UGT3A1: variants seen among roughly 807,000 people sequenced by gnomAD.
UGT3A1 encodes UDP glycosyltransferase family 3 member A1, also known as UDP-glycosyltransferase 3A1.
Under a neutral mutation model 37.6 loss-of-function variants are expected in UGT3A1, and 40 were observed. The observed-to-expected ratio is 1.06, with a 90% CI of 0.83 to 1.38. UGT3A1 has a LOEUF of 1.38. UGT3A1 is among the 40% of genes most tolerant of loss of function. The probability of loss-of-function intolerance (pLI) is 0.00; values close to 1 mark genes in which losing one functional copy is unlikely to be tolerated. For missense variants in UGT3A1, 642 were observed against 634.2 expected (o/e 1.01, Z -0.13); for synonymous variants, 256 against 232.3 (o/e 1.10, Z -0.93).
chr5:35,973,780 G>T (rs982052507), intron 2 of UGT3A1, among the ~76,000 whole-genome samples: 7 of 152,086 alleles, frequency 4.6e-5, no homozygotes, highest in African/African-American at 1.7e-4. Flanking sequence ...GGATTTAATT[G>T]CATCTTGGGG....
At chr5:35,956,005 C>G (rs138607277) in intron 5 of UGT3A1, 141 bp from the exon 6 acceptor site, 16,608 of 820,984 alleles carry the variant, frequency 0.02, 290 homozygotes, top group Non-Finnish European at 0.023. Context: ...TTGGGACACA[C>G]AAGTGTGAAC....
chr5:35,991,968 C>T (rs544168433), upstream of UGT3A1, among the ~76,000 whole-genome samples: 6 of 152,274 alleles, frequency 3.9e-5, no homozygotes, highest in South Asian at 6.2e-4. Context: ...TTGATAATCT[C>T]CCCAAAGCAC....
intron 2 of UGT3A1, among the ~76,000 whole-genome samples, chr5:35,977,034 A>C (rs1480863972): frequency 6.7e-6 from 1 of 148,650 alleles, no homozygotes; most frequent in Non-Finnish European, 1.5e-5. Context: ...GAAAGAAAGA[A>C]AGAGAGAAAG....
At position 35,960,321 on chromosome 5, in the gene UGT3A1, A is replaced by G. The variant is rs368027639; in HGVS notation, c.844-2902T>C. 7.2e-5 allele frequency among the ~76,000 whole-genome samples: 11 copies of G among 152,382 alleles called. No homozygotes were observed. The South Asian group carries it at 1.9e-3, about 26-fold the overall frequency. On this transcript the variant is annotated intron_variant, in intron 4 of 6. Transcript: ENST00000274278. ...GTAATCCAAGTAGTGTAGTACTGCC[A>G]TAAAGATAGACACATGGACCAGTGG...
At chr5:35,957,779 T>C (rs1165732082) in intron 4 of UGT3A1, among the ~76,000 whole-genome samples, 1 of 152,246 alleles carries the variant, frequency 6.6e-6, no homozygotes, top group African/African-American at 2.4e-5. Flanking sequence ...ATTTATATTG[T>C]AGCCTAACAT....
At chr5:36,000,502 TTAGAGGGTTTAGACTCATGGA>T (rs1372647561) in intron 1 of UGT3A1, among the ~76,000 whole-genome samples, 1 of 152,114 alleles carries the variant, frequency 6.6e-6, no homozygotes, top group Non-Finnish European at 1.5e-5. Flanking sequence ...TGCTGCAAAA[TTAGAGGGTTTAGACTCATGGA>T]TTCACATCTC....
chr5:35,975,667 T>G (rs1740237262), intron 2 of UGT3A1, among the ~76,000 whole-genome samples: 1 of 152,140 alleles, frequency 6.6e-6, no homozygotes, highest in South Asian at 2.1e-4. Context: ...GAAGCATTTT[T>G]TTTTTTACTT....
intron 2 of UGT3A1, among the ~76,000 whole-genome samples, chr5:35,982,713 C>T (rs545573540): frequency 6.0e-4 from 91 of 151,962 alleles, no homozygotes; most frequent in African/African-American, 1.9e-3. Flanking sequence ...TGAAATGGCA[C>T]GGTTTTGTTT....
At chr5:35,955,333 C>T in intron 6 of UGT3A1, 1 of 547,330 alleles carries the variant, frequency 1.8e-6, no homozygotes, top group Non-Finnish European at 3.2e-6. Context: ...TGGGGAAACA[C>T]ACAAAGAAAC....
chr5:35,988,320 C>T (rs1301268811), intron 2 of UGT3A1, 130 bp downstream of exon 2: 1 of 627,874 alleles, frequency 1.6e-6, no homozygotes, highest in Non-Finnish European at 2.7e-6. Flanking sequence ...CACACATCCA[C>T]ACACACATTT....
At chr5:35,962,453 T>C (rs1358066412) in intron 4 of UGT3A1, 2 of 157,096 alleles carry the variant, frequency 1.3e-5, no homozygotes, top group African/African-American at 2.4e-5. Context: ...GATAGAGAGG[T>C]TGAGGTGGAC....
chr5:35,979,300 A>C (rs2149980765), intron 2 of UGT3A1, among the ~76,000 whole-genome samples: 1 of 152,266 alleles, frequency 6.6e-6, no homozygotes, highest in South Asian at 2.1e-4. Context: ...CAGTCCGCAA[A>C]CTTTTTGAAC....
intron 2 of UGT3A1, among the ~76,000 whole-genome samples, chr5:35,974,138 T>C (rs571482465): frequency 1.3e-5 from 2 of 152,306 alleles, no homozygotes; most frequent in South Asian, 4.1e-4. Context: ...ATACTGTTAA[T>C]CTTTCTCCAG....
chr5:35,967,917 C>G, intron 3 of UGT3A1, 102 bp downstream of exon 3: 1 of 829,932 alleles, frequency 1.2e-6, no homozygotes, highest in East Asian at 2.7e-5. Context: ...CATCACCCAC[C>G]CATCTATTTC....
chr5:35,985,079 T>TAAAAAAAAAAAAAAAA (rs59401195), intron 2 of UGT3A1, among the ~76,000 whole-genome samples: 383 of 115,638 alleles, frequency 3.3e-3, no homozygotes, highest in Middle Eastern at 6.5e-3. Flanking sequence ...ACATAAAATA[T>TAAAAAAAAAAAAAAAA]AAAAAAAAAA....
upstream of UGT3A1, among the ~76,000 whole-genome samples, chr5:35,995,421 A>C (rs1302050656): frequency 2.6e-5 from 4 of 152,156 alleles, no homozygotes; most frequent in African/African-American, 4.8e-5. Flanking sequence ...TTGTCTACCA[A>C]CCCTGGTCAA....
chr5:35,965,702 C>G lies in UGT3A1; in HGVS notation c.527G>C (p.Gly176Ala). The change falls in exon 4 of 7, where the codon GGG becomes GCG. Residue 176 changes from glycine to alanine, a missense_variant. Gly to Ala is a moderately conservative substitution (Grantham distance 60, BLOSUM62 0). Transcript: ENST00000274278. ...AACATAAGACAAGGGGCTTGGTAGC[C>G]CAAAATCCAAAGAGCCGAATGTGGT... ...LPTTFGSLDFGLPSPLSYVPV... is the reference protein window; with the variant it reads ...LPTTFGSLDFALPSPLSYVPV... 6.2e-7 allele frequency: 1 copy of G among 1,614,072 alleles called. No homozygotes were observed. The highest frequency in any genetic ancestry group is 8.5e-7 in the Non-Finnish European group (1 of 1,180,012).
intron 2 of UGT3A1, among the ~76,000 whole-genome samples, chr5:35,980,083 A>T (rs1004440543): frequency 6.6e-6 from 1 of 152,256 alleles, no homozygotes; most frequent in Non-Finnish European, 1.5e-5. Context: ...TCAAAAACAT[A>T]TCAGACTGTG....
upstream of UGT3A1, among the ~76,000 whole-genome samples, chr5:35,994,141 T>C (rs1741035667): frequency 6.6e-6 from 1 of 152,126 alleles, no homozygotes; most frequent in Admixed American, 6.5e-5. Context: ...TGGACCTCCA[T>C]CACTAGGTAA....
Sources: gnomAD v4.1 joint callset for allele counts (sites outside exome capture counted in the v4.1 genomes callset) on GRCh38, gnomAD v4.1.1 for gene constraint, MANE v1.5 for transcripts, NCBI Gene and HGNC (gene_info 2026-07-23, HGNC 2026-07-21) for gene names.